Variants in L1CAM observed in about 807,000 individuals in gnomAD.
L1CAM encodes L1 cell adhesion molecule.
Under a neutral mutation model 93.0 loss-of-function variants are expected in L1CAM, and 8 were observed. The observed-to-expected ratio is 0.09, with a 90% CI of 0.05 to 0.16. The LOEUF (loss-of-function observed/expected upper bound fraction) is 0.16, where lower values mean the gene tolerates loss of function less well. L1CAM is among the 10% of genes least tolerant of loss of function. L1CAM has a pLI of 1.00. For synonymous variants in L1CAM, 453 were observed against 453.0 expected (o/e 1.00, Z 0.00); for missense variants, 777 against 1,073.4 (o/e 0.72, Z 3.86).
At chrX:153,869,378 G>T (rs2064745752) in intron 11 of L1CAM, 142 bp downstream of exon 11, 1 of 651,526 alleles carries the variant, frequency 1.5e-6, no homozygotes, top group Non-Finnish European at 2.5e-6. Context: ...ATGGGGCGAA[G>T]GGTGTCAGCA....
chrX:153,875,714 C>T lies in L1CAM; in HGVS notation c.76+47G>A, dbSNP rs200754769. 1.7e-5 allele frequency: 19 copies of T among 1,091,673 alleles called. No homozygotes were observed. In the Admixed American group the frequency reaches 3.3e-4, roughly 19 times the overall value. 90.0% of individuals were successfully genotyped at this position (1,091,673 alleles called of 1,213,427 possible). A position where few individuals can be genotyped will look rare whatever the true frequency, so the allele number is the denominator to read the frequency against. Reference sequence around the variant, plus strand: ...AGGAGGTAGAAGATAAAGAGGGGCCCAACATAGCGGCGAAGGTAGGCGCCC... The same window carrying T: ...AGGAGGTAGAAGATAAAGAGGGGCCTAACATAGCGGCGAAGGTAGGCGCCC... On this transcript the variant is annotated intron_variant, in intron 2 of 28. Coordinates refer to ENST00000370060, the MANE Select transcript of L1CAM (RefSeq NM_001278116.2).
chrX:153,867,184 C>G, intron 17 of L1CAM, 60 bp from the exon 18 acceptor site: 3 of 1,084,452 alleles, frequency 2.8e-6, no homozygotes, highest in Non-Finnish European at 3.8e-6. Context: ...CCACGAGGAC[C>G]GAGGGCCAAG....
chrX:153,865,989 AGTT>A (rs2064709427), intron 19 of L1CAM, 170 bp from the exon 20 acceptor site: 1 of 453,171 alleles, frequency 2.2e-6, no homozygotes, highest in Admixed American at 3.5e-5. Context: ...ACTGCTTATT[AGTT>A]GCAAAGGTGA....
intron 2 of L1CAM, among the ~76,000 whole-genome samples, chrX:153,874,617 G>A (rs1162375938): frequency 8.9e-6 from 1 of 112,007 alleles, no homozygotes; most frequent in African/African-American, 3.3e-5. Context: ...CCTCTCTCTC[G>A]CAGCCCCTGT....
chrX:153,865,347 G>T lies in L1CAM; in HGVS notation c.2701C>A (p.Arg901=). 1 of 1,210,937 alleles carries T rather than the reference G, an allele frequency of 8.3e-7. No individual in the cohort carries two copies. Among genetic ancestry groups the T allele is most frequent in the South Asian group, 1.8e-5 (1 of 56,989 alleles). ...YHLEVQAFNG[R]GSGPASEFTF... ...AACTCGCTGGCGGGCCCCGATCCTC[G>T]CCCGTTAAAGGCCTGCACCTCCAGG... The change falls in exon 21 of 29, where the codon CGA becomes AGA. Residue 901 remains arginine (R), a synonymous_variant. Coordinates refer to ENST00000370060, the MANE Select transcript of L1CAM (RefSeq NM_001278116.2).
Position 153,870,199 on chromosome X carries a change from A to G in L1CAM, c.848T>C (p.Met283Thr). 3.3e-6 allele frequency: 4 copies of G among 1,211,940 alleles called. No individual in the cohort carries two copies. The highest frequency in any genetic ancestry group is 4.5e-6 in the Non-Finnish European group (4 of 895,397). Residue 283 changes from methionine (M) to threonine (T), a missense_variant, in exon 9 of 29, where the codon ATG (methionine) becomes ACG (threonine). This residue lies in a region of L1CAM where 574 missense variants were observed against 781.0 expected (regional missense o/e 0.73). Transcript: ENST00000370060. ...TIKWLRPSGP[M>T]PADRVTYQNH... ...CTGGTAGGTGACACGGTCGGCTGGC[A>G]TGGGGCCACTGGGGCGCAGCCATTT...
rs2148496243 is a variant in L1CAM, at chrX:153,868,073, C to T, written c.1753G>A (p.Asp585Asn). ...RLVIHSLDYS[D>N]QGNYSCVAST... Reference sequence around the variant, plus strand: ...GCCACGCAGCTGTAGTTGCCCTGGTCGCTGTAGTCCAGGCTGTGGATGACC... The same window carrying T: ...GCCACGCAGCTGTAGTTGCCCTGGTTGCTGTAGTCCAGGCTGTGGATGACC... Residue 585 changes from aspartate to asparagine, a missense_variant, in exon 15 of 29, where the codon GAC becomes AAC. Physicochemically the swap from Asp to Asn is conservative, Grantham distance 23. Coordinates refer to ENST00000370060, the MANE Select transcript of L1CAM (RefSeq NM_001278116.2). 2 of 1,210,695 alleles carry T rather than the reference C, an allele frequency of 1.7e-6. No homozygotes were observed. The highest frequency in any genetic ancestry group is 1.8e-5 in the South Asian group (1 of 56,899).
intron 1 of L1CAM, among the ~76,000 whole-genome samples, chrX:153,879,734 C>T (rs782809530): frequency 2.8e-5 from 3 of 108,795 alleles, no homozygotes; most frequent in Non-Finnish European, 5.8e-5. Context: ...CTGACCCATG[C>T]CATGCCAGGG....
intron 28 of L1CAM, 102 bp from the exon 29 acceptor site, chrX:153,862,996 A>G (rs1271526659): frequency 3.0e-6 from 2 of 657,671 alleles, no homozygotes; most frequent in Non-Finnish European, 4.6e-6. Context: ...ATTTGTTTAG[A>G]ATGCGCTCAG....
chrX:153,863,785 G>T, intron 26 of L1CAM, 98 bp downstream of exon 26: 2 of 1,114,748 alleles, frequency 1.8e-6, no homozygotes, highest in Non-Finnish European at 2.5e-6. Flanking sequence ...CTTGTGGGGA[G>T]CTCGGGGAAT....
chrX:153,862,515 G>A lies in L1CAM; in HGVS notation c.*148C>T, dbSNP rs2064671486. 2.2e-5 allele frequency: 10 copies of A among 461,758 alleles called. No individual in the cohort carries two copies. The South Asian group carries it at 3.8e-4, about 18-fold the overall frequency. The allele number at this position is 461,758 out of a possible 1,213,427, so 38.1% of individuals were successfully genotyped here. On this transcript the variant is annotated 3_prime_UTR_variant, in exon 29 of 29. Transcript: ENST00000370060. Reference sequence around the variant, plus strand: ...CCAGGAAGGGGTGCAGCTGGGTTTTGGCAATAAAGTGGGGACCGGGTGGTA... The same window carrying A: ...CCAGGAAGGGGTGCAGCTGGGTTTTAGCAATAAAGTGGGGACCGGGTGGTA...
intron 1 of L1CAM, chrX:153,883,855 G>T (rs781787320): frequency 5.6e-5 from 19 of 342,074 alleles, no homozygotes; most frequent in Non-Finnish European, 1.1e-4. Flanking sequence ...AAAGCACTCA[G>T]TGCAGCCATT....
At chrX:153,885,695 C>G (rs944777548) in intron 1 of L1CAM, 11 of 350,467 alleles carry the variant, frequency 3.1e-5, no homozygotes, top group East Asian at 1.3e-4. Context: ...GCGCTCGACC[C>G]GATCTGGCTT....
In L1CAM at chrX:153,862,626, A is replaced by G. The variant is rs1394623615; in HGVS notation, c.*37T>C. 6 of 1,107,224 alleles carry G rather than the reference A, an allele frequency of 5.4e-6. No individual in the cohort carries two copies. Among genetic ancestry groups the G allele is most frequent in the Non-Finnish European group, 6.2e-6 (5 of 809,845 alleles). The allele number at this position is 1,107,224 out of a possible 1,213,427, so 91.2% of individuals were successfully genotyped here. A position where few individuals can be genotyped will look rare whatever the true frequency, so the allele number is the denominator to read the frequency against. ...CTGGAGAGGGAGGGGCCTGGATCCC[A>G]AGGCCAGGGGCACAGCATCTCCTGT... On this transcript the variant is annotated 3_prime_UTR_variant, in exon 29 of 29. Transcript: ENST00000370060.
intron 26 of L1CAM, 57 bp downstream of exon 26, chrX:153,863,826 C>A (rs2064685990): frequency 6.7e-6 from 8 of 1,202,291 alleles, no homozygotes; most frequent in Admixed American, 6.5e-5. Flanking sequence ...GTGGAAGGGG[C>A]GAGGTGCTCC....
rs1214679081 is a variant in L1CAM at position 153,870,437 on chromosome X, C to G, written c.757G>C (p.Val253Leu). The change falls in exon 8 of 29, where the codon GTG becomes CTG. Residue 253 changes from valine (V) to leucine (L), a missense_variant. By Grantham distance (32) the Val-to-Leu change is conservative. Coordinates refer to ENST00000370060, the MANE Select transcript of L1CAM (RefSeq NM_001278116.2). ...LFPTNSSSHL[V>L]ALQGQPLVLE... ...ACCAATGGCTGCCCCTGCAAGGCCACCAGGTGGCTGCTGGAGTTGGTGGGG... is the reference window on the plus strand; with the variant it reads ...ACCAATGGCTGCCCCTGCAAGGCCAGCAGGTGGCTGCTGGAGTTGGTGGGG... 4 of 1,210,688 alleles carry G rather than the reference C, an allele frequency of 3.3e-6. No homozygotes were observed. The African/African-American group carries it at 7.0e-5, about 21-fold the overall frequency.
chrX:153,870,106 G>A lies in L1CAM; in HGVS notation c.941C>T (p.Ala314Val). ...EEDDGEYRCLAENSLGSARHA... is the reference protein window; with the variant it reads ...EEDDGEYRCLVENSLGSARHA... ...CCGGGCACTGCCCAGTGAGTTCTCGGCCAGGCAGCGGTACTCGCCATCATC... is the reference window on the plus strand; with the variant it reads ...CCGGGCACTGCCCAGTGAGTTCTCGACCAGGCAGCGGTACTCGCCATCATC... Residue 314 changes from alanine (A) to valine (V), a missense_variant, in exon 9 of 29, where the codon GCC becomes GTC. By Grantham distance (64) the Ala-to-Val change is moderately conservative. This residue lies in a region of L1CAM where 574 missense variants were observed against 781.0 expected (regional missense o/e 0.73). Coordinates refer to ENST00000370060, the MANE Select transcript of L1CAM (RefSeq NM_001278116.2). 8.3e-7 allele frequency: 1 copy of A among 1,211,833 alleles called. No homozygotes were observed. The highest frequency in any genetic ancestry group is 1.1e-6 in the Non-Finnish European group (1 of 895,490).
At chrX:153,867,235 C>T (rs2064722084) in intron 17 of L1CAM, 111 bp from the exon 18 acceptor site, 3 of 980,054 alleles carry the variant, frequency 3.1e-6, no homozygotes, top group Non-Finnish European at 4.4e-6. Flanking sequence ...GTCCAGCCCC[C>T]TCGCGCTCCC....
chrX:153,875,960 A>T lies in L1CAM; in HGVS notation c.-108-16T>A. On this transcript the variant is annotated splice_polypyrimidine_tract_variant and intron_variant, in intron 1 of 28. Transcript: ENST00000370060. ...AGTGGGGGCACTGGGAGAGGGGAGA[A>T]GGGAAGGGAAGGGTGGGGGAAGAGA... The T allele has an allele frequency of 2.0e-6, 1 of 504,856 alleles. No individual in the cohort carries two copies. Among genetic ancestry groups the T allele is most frequent in the Non-Finnish European group, 3.5e-6 (1 of 287,752 alleles). 41.6% of individuals were successfully genotyped at this position (504,856 alleles called of 1,213,427 possible).
Sources: gnomAD v4.1 joint callset for allele counts (sites outside exome capture counted in the v4.1 genomes callset) on GRCh38, gnomAD v4.1.1 for gene constraint, gnomAD v4.1.1 regional missense constraint, MANE v1.5 for transcripts, NCBI Gene and HGNC (gene_info 2026-07-23, HGNC 2026-07-21) for gene names.